Variants in MACROD2 observed in about 807,000 individuals in gnomAD.
MACROD2 encodes the protein mono-ADP ribosylhydrolase 2.
Under a neutral mutation model 70.4 loss-of-function variants are expected in MACROD2, and 36 were observed. The ratio of observed to expected loss-of-function variants is 0.51; its 90% CI spans 0.39 to 0.68. The LOEUF (loss-of-function observed/expected upper bound fraction) is 0.68. Among genes scored for constraint, MACROD2 ranks in the 30% least tolerant of loss-of-function variants. The pLI, the probability that MACROD2 is intolerant of heterozygous loss-of-function variation, is 0.00. For missense variants in MACROD2, 496 were observed against 538.4 expected, an observed-to-expected ratio of 0.92 and a Z score of 0.78; for synonymous variants, 172 against 178.8, an observed-to-expected ratio of 0.96 and a Z score of 0.30.
chr20:14,071,250 G>GTTTTTT (rs1569145178), intron 2 of MACROD2, among the ~76,000 whole-genome samples: 2 of 61,054 alleles, frequency 3.3e-5, no homozygotes, highest in African/African-American at 5.0e-5. Context: ...ATTTCATCTT[G>GTTTTTT]TGTTTTTTTT....
At chr20:15,485,419 C>T (rs1460192698) in intron 7 of MACROD2, among the ~76,000 whole-genome samples, 3 of 152,074 alleles carry the variant, frequency 2.0e-5, no homozygotes, top group African/African-American at 7.2e-5. Flanking sequence ...TTTCCTGCCC[C>T]AGCAGGTTTT....
At chr20:14,208,235 G>A (rs1382066750) in intron 3 of MACROD2, among the ~76,000 whole-genome samples, 1 of 152,104 alleles carries the variant, frequency 6.6e-6, no homozygotes, top group Non-Finnish European at 1.5e-5. Context: ...AGGGTCTTGG[G>A]TATATTGAAT....
intron 5 of MACROD2, among the ~76,000 whole-genome samples, chr20:15,130,437 CAAAAT>C (rs1374832472): frequency 6.6e-6 from 1 of 151,772 alleles, no homozygotes; most frequent in East Asian, 1.9e-4. Flanking sequence ...GAGAAATAAA[CAAAAT>C]AAAATCCTGA....
intron 5 of MACROD2, among the ~76,000 whole-genome samples, chr20:15,052,568 A>C (rs1485370469): frequency 6.6e-6 from 1 of 152,114 alleles, no homozygotes; most frequent in East Asian, 1.9e-4. Flanking sequence ...TGTGCTCATA[A>C]AAGGTCACAA....
chr20:14,704,431 G>T (rs6042869), intron 5 of MACROD2, among the ~76,000 whole-genome samples: 1,635 of 152,158 alleles, frequency 0.011, 36 homozygotes, highest in African/African-American at 0.037. Context: ...TCGGGCTCCA[G>T]TTACCCACAG....
chr20:14,927,293 T>C (rs1001970028), intron 5 of MACROD2, among the ~76,000 whole-genome samples: 1 of 152,144 alleles, frequency 6.6e-6, no homozygotes, highest in Non-Finnish European at 1.5e-5. Context: ...GAGTTCTTGG[T>C]TGCATGCTAC....
At chr20:15,717,191 T>C (rs1434122732) in intron 8 of MACROD2, among the ~76,000 whole-genome samples, 3 of 152,262 alleles carry the variant, frequency 2.0e-5, no homozygotes, top group African/African-American at 7.2e-5. Context: ...ACTGGAGTTG[T>C]ATTTCTTTTT....
intron 8 of MACROD2, among the ~76,000 whole-genome samples, chr20:15,623,721 G>A (rs199987150): frequency 1.9e-5 from 2 of 104,612 alleles, no homozygotes; most frequent in Admixed American, 9.6e-5. Flanking sequence ...TCTATCTATC[G>A]ATGTGTCTAT....
At chr20:15,061,957 G>T (rs2075536133) in intron 5 of MACROD2, among the ~76,000 whole-genome samples, 1 of 152,144 alleles carries the variant, frequency 6.6e-6, no homozygotes, top group Admixed American at 6.5e-5. Flanking sequence ...ACGATGTTCT[G>T]GTGCCTGCCA....
intron 10 of MACROD2, among the ~76,000 whole-genome samples, chr20:15,918,085 G>A (rs767484372): frequency 5.9e-5 from 9 of 152,148 alleles, no homozygotes; most frequent in Non-Finnish European, 1.0e-4. Flanking sequence ...AATGAATCAG[G>A]TATAAACCTC....
intron 5 of MACROD2, among the ~76,000 whole-genome samples, chr20:15,058,503 A>G (rs888497487): frequency 2.6e-5 from 4 of 152,176 alleles, no homozygotes; most frequent in African/African-American, 9.7e-5. Flanking sequence ...TATCCTAAAA[A>G]ATTATTTGTT....
At chr20:14,140,373 G>C (rs2054854835) in intron 3 of MACROD2, among the ~76,000 whole-genome samples, 1 of 152,124 alleles carries the variant, frequency 6.6e-6, no homozygotes, top group Non-Finnish European at 1.5e-5. Flanking sequence ...AGTTTTTTCT[G>C]TTATTAGTTG....
intron 6 of MACROD2, among the ~76,000 whole-genome samples, chr20:15,417,089 T>C (rs1446261401): frequency 1.3e-5 from 2 of 152,158 alleles, no homozygotes; most frequent in African/African-American, 4.8e-5. Context: ...AATCTGCATA[T>C]GCGTTGGTAA....
In MACROD2 at chr20:14,370,493, C is replaced by T. The variant is rs2083312225; in HGVS notation, c.272-122986C>T. ...TAAGAGAAGAAAAAATTTACATAGA[C>T]TCTTTGTATACCAGTGAGAGGAAGT... is the stretch of plus-strand genomic sequence containing the variant. On this transcript the variant is annotated intron_variant, in intron 3 of 17. Transcript: ENST00000684519. Among the ~76,000 whole-genome samples the T allele has an allele frequency of 2.0e-5, 3 of 152,106 alleles. No individual in the cohort carries two copies. In the South Asian group the frequency reaches 6.2e-4, roughly 31 times the overall value.
At chr20:15,413,825 A>G (rs1261106674) in intron 6 of MACROD2, among the ~76,000 whole-genome samples, 1 of 152,148 alleles carries the variant, frequency 6.6e-6, no homozygotes, top group Non-Finnish European at 1.5e-5. Flanking sequence ...ACAGCTCTCA[A>G]CCTAAGAAGA....
At chr20:15,130,022 G>A (rs545469093) in intron 5 of MACROD2, among the ~76,000 whole-genome samples, 3 of 152,160 alleles carry the variant, frequency 2.0e-5, no homozygotes, top group African/African-American at 4.8e-5. Context: ...TCCAGTTTCA[G>A]TTTTATTCCC....
chr20:15,238,708 G>T (rs561166478), intron 6 of MACROD2, among the ~76,000 whole-genome samples: 2 of 152,188 alleles, frequency 1.3e-5, no homozygotes, highest in South Asian at 4.1e-4. Context: ...TTAGTCACTT[G>T]TATATTCTGC....
chr20:15,859,121 A>C (rs2147158659), intron 8 of MACROD2, among the ~76,000 whole-genome samples: 1 of 152,204 alleles, frequency 6.6e-6, no homozygotes, highest in East Asian at 1.9e-4. Context: ...TAAGAAAATC[A>C]TAAGGAAGAG....
At chr20:15,772,906 A>AT (rs1054353413) in intron 8 of MACROD2, among the ~76,000 whole-genome samples, 14 of 152,252 alleles carry the variant, frequency 9.2e-5, no homozygotes, top group African/African-American at 3.1e-4. Context: ...GGAAAAAAAA[A>AT]TCAGATCTTG....
Sources: allele counts gnomAD v4.1 joint callset (sites outside exome capture counted in the v4.1 genomes callset), GRCh38; gene constraint gnomAD v4.1.1; transcripts MANE v1.5; gene names NCBI Gene and HGNC (gene_info 2026-07-23, HGNC 2026-07-21).